ATXN2L: variants seen among roughly 807,000 people sequenced by gnomAD.
ATXN2L encodes ataxin 2 like.
A neutral mutation model predicts 120.7 loss-of-function variants in ATXN2L; 24 were observed. The ratio of observed to expected loss-of-function variants is 0.20; its 90% CI spans 0.14 to 0.28. The LOEUF (loss-of-function observed/expected upper bound fraction) is 0.28. Ranked by LOEUF, ATXN2L falls within the 10% of genes least tolerant of loss-of-function variation. ATXN2L has a pLI of 1.00. For synonymous variants in ATXN2L, 653 were observed against 568.1 expected (o/e 1.15, Z -2.13); for missense variants, 1,312 against 1,432.3 (o/e 0.92, Z 1.36).
In ATXN2L at chr16:28,836,366, G is replaced by A; in HGVS notation, c.*101G>A. 1 of 1,613,612 alleles carries A rather than the reference G, an allele frequency of 6.2e-7. No homozygotes were observed. Among genetic ancestry groups the A allele is most frequent in the Non-Finnish European group, 8.5e-7 (1 of 1,179,926 alleles). On this transcript the variant is annotated 3_prime_UTR_variant, in exon 22 of 22. Transcript: ENST00000336783. ...GAAGCCACAGTCGCCGCCGCCAGGG[G>A]CTTGCTCCTGGCTCTGTCCTTTGCT...
chr16:28,830,431 A>T (rs561613321), intron 8 of ATXN2L, among the ~76,000 whole-genome samples, 184 bp from the exon 9 acceptor site: 1 of 152,264 alleles, frequency 6.6e-6, no homozygotes, highest in Middle Eastern at 3.4e-3. Flanking sequence ...ATGTCACATG[A>T]GGTCATAAGT....
At chr16:28,832,434 A>G (rs759400879) in intron 11 of ATXN2L, 35 bp downstream of exon 11, 2 of 1,611,848 alleles carry the variant, frequency 1.2e-6, no homozygotes, top group Non-Finnish European at 1.7e-6. Context: ...GTGAATGCAT[A>G]TTTAGTGTGA....
intron 1 of ATXN2L, among the ~76,000 whole-genome samples, chr16:28,824,813 A>G (rs903504511): frequency 4.6e-5 from 7 of 151,580 alleles, no homozygotes; most frequent in East Asian, 1.9e-4. Flanking sequence ...GCAATTGACA[A>G]CCATTGTTGA....
chr16:28,832,249 G>T lies in ATXN2L; in HGVS notation c.1366G>T (p.Ala456Ser). ...GCGTTCTCCCAAGTCTGCTGCCCCT[G>T]CCCCAATCTCAGCTTCCTGTCCAGA... is the stretch of plus-strand genomic sequence containing the variant. ...PPRSPKSAAP[A>S]PISASCPEPP... is the part of the protein sequence containing the mutation. The change falls in exon 11 of 22, where the codon GCC (alanine) becomes TCC (serine). Residue 456 changes from alanine to serine, a missense_variant. Ala to Ser is a moderately conservative substitution (Grantham distance 99, BLOSUM62 1). Coordinates refer to ENST00000336783, the MANE Select transcript of ATXN2L (RefSeq NM_007245.4). The T allele has an allele frequency of 6.2e-7, 1 of 1,614,116 alleles. No homozygotes were observed. Among genetic ancestry groups the T allele is most frequent in the Non-Finnish European group, 8.5e-7 (1 of 1,180,026 alleles).
In ATXN2L at chr16:28,837,051, T is replaced by G. The variant is rs761994478; in HGVS notation, c.*786T>G. 1 of 634,176 alleles carries G rather than the reference T, an allele frequency of 1.6e-6. No homozygotes were observed. Among genetic ancestry groups the G allele is most frequent in the South Asian group, 1.5e-5 (1 of 65,686 alleles). The allele number at this position is 634,176 out of a possible 1,614,324, so 39.3% of individuals were successfully genotyped here. On this transcript the variant is annotated 3_prime_UTR_variant, in exon 22 of 22. Transcript: ENST00000336783. ...CTATTCCCCCGCTGGAGACGGAAGA[T>G]CTTTTATTTTCTATTATTTATAACT...
intron 4 of ATXN2L, 93 bp downstream of exon 4, chr16:28,825,934 G>A: frequency 8.0e-7 from 1 of 1,251,454 alleles, no homozygotes; most frequent in Non-Finnish European, 1.2e-6. Context: ...TGATGTCAGA[G>A]TATGCCTTTA....
intron 5 of ATXN2L, 21 bp downstream of exon 5, chr16:28,826,411 C>T (rs2051985938): frequency 6.2e-6 from 10 of 1,611,794 alleles, no homozygotes; most frequent in African/African-American, 1.3e-5. Flanking sequence ...AGGCTGTTAC[C>T]TCAGACCTGC....
rs748580456 is a variant in ATXN2L at position 28,825,604 on chromosome 16, C to T, written c.337-20C>T. On this transcript the variant is annotated intron_variant, in intron 2 of 21. Coordinates refer to ENST00000336783, the MANE Select transcript of ATXN2L (RefSeq NM_007245.4). ...TTGACTGATTACTCCTTTAATTCTC[C>T]CTCTTATGTTAACTGACAGGTGTTT... 15 of 1,610,966 alleles carry T rather than the reference C, an allele frequency of 9.3e-6. No individual in the cohort carries two copies. Among genetic ancestry groups the T allele is most frequent in the African/African-American group, 4.0e-5 (3 of 74,836 alleles).
intron 1 of ATXN2L, 28 bp downstream of exon 1, chr16:28,823,586 A>G (rs1335927275): frequency 6.9e-6 from 9 of 1,302,392 alleles, no homozygotes; most frequent in Non-Finnish European, 8.8e-6. Flanking sequence ...CGGGCGAGGG[A>G]GCCGCGGCCA....
chr16:28,832,600 T>C (rs73529503), intron 12 of ATXN2L, 33 bp downstream of exon 12: 2 of 1,601,010 alleles, frequency 1.2e-6, no homozygotes, highest in Non-Finnish European at 1.7e-6. Context: ...TGAGGATTAA[T>C]GCTCCTTTGT....
In ATXN2L at chr16:28,835,145, C is replaced by A. The variant is rs947780316; in HGVS notation, c.2521C>A (p.Gln841Lys). Residue 841 changes from glutamine (Q) to lysine (K), a missense_variant, in exon 19 of 22, where the codon CAG becomes AAG. Transcript: ENST00000336783. ...PQAIVSSSTP[Q>K]YPSAEQPTPQ... ...GGCCATCGTGTCATCCTCTACCCCTCAGTACCCTTCTGCAGAGCAGCCTAC... is the reference window on the plus strand; with the variant it reads ...GGCCATCGTGTCATCCTCTACCCCTAAGTACCCTTCTGCAGAGCAGCCTAC... 6.2e-7 allele frequency: 1 copy of A among 1,613,788 alleles called. No homozygotes were observed. The highest frequency in any genetic ancestry group is 1.3e-5 in the African/African-American group (1 of 74,906).
intron 2 of ATXN2L, 40 bp downstream of exon 2, chr16:28,825,442 T>C (rs754963640): frequency 2.1e-5 from 34 of 1,605,282 alleles, no homozygotes; most frequent in Non-Finnish European, 2.9e-5. Flanking sequence ...TACATAGACC[T>C]AAAAGATGCA....
At chr16:28,825,488 G>A (rs1002410345) in intron 2 of ATXN2L, 86 bp downstream of exon 2, 31 of 1,534,258 alleles carry the variant, frequency 2.0e-5, no homozygotes, top group Non-Finnish European at 2.6e-5. Context: ...GGTCTAGATA[G>A]AGTCTAATGT....
intron 4 of ATXN2L, 147 bp from the exon 5 acceptor site, chr16:28,826,093 G>T: frequency 1.0e-6 from 1 of 980,218 alleles, no homozygotes; most frequent in Non-Finnish European, 1.5e-6. Context: ...CAATGCACTT[G>T]GTTCCAAGCA....
Position 28,829,512 on chromosome 16 carries a change from C to T in ATXN2L, c.833+20C>T, listed in dbSNP as rs751433344. 5 of 1,516,152 alleles carry T rather than the reference C, an allele frequency of 3.3e-6. No homozygotes were observed. In the Admixed American group the frequency reaches 8.4e-5, roughly 25 times the overall value. The allele number at this position is 1,516,152 out of a possible 1,614,324, so 93.9% of individuals were successfully genotyped here. ...TTATACGTGAGTATCTTGGTGCTCT[C>T]CAGGTGATGTGTTGGTGATATGGGG... is the stretch of plus-strand genomic sequence containing the variant. On this transcript the variant is annotated intron_variant, in intron 7 of 21. Transcript: ENST00000336783.
At chr16:28,825,464 T>C (rs2051532780) in intron 2 of ATXN2L, 62 bp downstream of exon 2, 1 of 1,575,312 alleles carries the variant, frequency 6.3e-7, no homozygotes. Flanking sequence ...AATGTGGGAA[T>C]ATAGGGCACA....
Position 28,823,242 on chromosome 16 carries a change from CT to C in ATXN2L, c.-16del. 7.0e-7 allele frequency: 1 copy of C among 1,433,514 alleles called. No homozygotes were observed. Among genetic ancestry groups the C allele is most frequent in the Non-Finnish European group, 9.2e-7 (1 of 1,091,976 alleles). 88.8% of individuals were successfully genotyped at this position (1,433,514 alleles called of 1,614,324 possible). ...TCTCCCTCCCTTCTCTCTAATTCCC[CT>C]TCCGGACGCTGCCATCATGTTGAAG... On this transcript the variant is annotated 5_prime_UTR_variant, in exon 1 of 22. Transcript: ENST00000336783.
intron 16 of ATXN2L, 56 bp downstream of exon 16, chr16:28,834,267 G>A (rs1248140376): frequency 6.2e-7 from 1 of 1,610,464 alleles, no homozygotes; most frequent in Non-Finnish European, 8.5e-7. Flanking sequence ...TGGTTGCGCT[G>A]GTTGAGGGAC....
Position 28,829,873 on chromosome 16 carries a change from G to A in ATXN2L, c.849G>A (p.Lys283=). The change falls in exon 8 of 22, where the codon AAG becomes AAA. Residue 283 remains lysine (K), a synonymous_variant. Transcript: ENST00000336783. ...GCTGTCTCAGGGTGCCCTTAGAAAA[G>A]GACAACTCAGAAGAGTTTCGTCAGC... ...SLSSYTVPLE[K]DNSEEFRQRE... 1 of 1,614,230 alleles carries A rather than the reference G, an allele frequency of 6.2e-7. No homozygotes were observed. The highest frequency in any genetic ancestry group is 1.3e-5 in the African/African-American group (1 of 75,056).
Sources: allele counts gnomAD v4.1 joint callset (sites outside exome capture counted in the v4.1 genomes callset), GRCh38; gene constraint gnomAD v4.1.1; transcripts MANE v1.5; gene names NCBI Gene and HGNC (gene_info 2026-07-23, HGNC 2026-07-21).